TRPC4: variants seen among roughly 807,000 people sequenced by gnomAD.
TRPC4 encodes the protein transient receptor potential cation channel subfamily C member 4, also known as short transient receptor potential channel 4.
Under a neutral mutation model 99.4 loss-of-function variants are expected in TRPC4, and 49 were observed. The ratio of observed to expected loss-of-function variants is 0.49; its 90% CI spans 0.39 to 0.63. The LOEUF is 0.63. Ranked by LOEUF, TRPC4 falls within the 20% of genes least tolerant of loss-of-function variation. TRPC4 has a pLI of 0.00. For missense variants in TRPC4, 898 were observed against 1,152.9 expected (o/e 0.78, Z 3.20); for synonymous variants, 454 against 425.9 (o/e 1.07, Z -0.81).
At chr13:37,677,337 A>G (rs556387087) in intron 4 of TRPC4, among the ~76,000 whole-genome samples, 1 of 152,118 alleles carries the variant, frequency 6.6e-6, no homozygotes, top group Non-Finnish European at 1.5e-5. Flanking sequence ...CAGTTTACCC[A>G]TATCATAATT....
chr13:37,637,340 GCTT>G lies in TRPC4; in HGVS notation c.2494_2496del (p.Lys832del). On this transcript the variant is annotated inframe_deletion, in exon 11 of 11. Coordinates refer to ENST00000379705, the MANE Select transcript of TRPC4 (RefSeq NM_016179.4). ...TCGGTCACAAAATTCACTTTTCTCT[GCTT>G]CTCCCTGGGCGGCTCCTGAACCACC... is the stretch of plus-strand genomic sequence containing the variant. 1 of 1,613,570 alleles carries G rather than the reference GCTT, an allele frequency of 6.2e-7. No individual in the cohort carries two copies. Among genetic ancestry groups the G allele is most frequent in the Admixed American group, 1.7e-5 (1 of 59,876 alleles).
chr13:37,647,898 A>T (rs1374361909), intron 8 of TRPC4, among the ~76,000 whole-genome samples: 1 of 152,188 alleles, frequency 6.6e-6, no homozygotes, highest in Non-Finnish European at 1.5e-5. Flanking sequence ...CCCTCTTTTA[A>T]TAATACAACC....
chr13:37,829,971 C>T (rs1162633999), intron 1 of TRPC4, among the ~76,000 whole-genome samples: 1 of 152,004 alleles, frequency 6.6e-6, no homozygotes, highest in Non-Finnish European at 1.5e-5. Context: ...TCAGTGATTG[C>T]CAGGGGTTGG....
At chr13:37,663,298 G>T in intron 6 of TRPC4, 118 bp downstream of exon 6, 1 of 937,846 alleles carries the variant, frequency 1.1e-6, no homozygotes, top group Non-Finnish European at 1.5e-6. Flanking sequence ...TCTGCATTAA[G>T]CACAATTTTA....
intron 1 of TRPC4, among the ~76,000 whole-genome samples, chr13:37,816,789 T>G (rs183061750): frequency 1.6e-3 from 240 of 152,056 alleles, no homozygotes; most frequent in Non-Finnish European, 2.7e-3. Context: ...ATTATCTCAA[T>G]AGACACAGAA....
intron 1 of TRPC4, among the ~76,000 whole-genome samples, chr13:37,790,772 A>G (rs189898261): frequency 6.6e-6 from 1 of 152,236 alleles, no homozygotes; most frequent in East Asian, 1.9e-4. Context: ...TGACATGGTA[A>G]AATTCAGTCC....
intron 3 of TRPC4, among the ~76,000 whole-genome samples, chr13:37,742,552 C>T (rs1023610454): frequency 6.6e-6 from 1 of 152,042 alleles, no homozygotes; most frequent in Non-Finnish European, 1.5e-5. Context: ...GGACATTTAT[C>T]CAAGAGAGTC....
chr13:37,685,825 G>A (rs1177749415), intron 4 of TRPC4, among the ~76,000 whole-genome samples: 1 of 151,726 alleles, frequency 6.6e-6, no homozygotes, highest in Non-Finnish European at 1.5e-5. Context: ...CATTAATAGG[G>A]GCACACACAA....
At chr13:37,690,699 A>G (rs1380771226) in intron 4 of TRPC4, among the ~76,000 whole-genome samples, 1 of 152,230 alleles carries the variant, frequency 6.6e-6, no homozygotes, top group Non-Finnish European at 1.5e-5. Flanking sequence ...TTGTTTAGTT[A>G]TATAAGTAAA....
At chr13:37,775,032 TC>T (rs1344256577) in intron 2 of TRPC4, among the ~76,000 whole-genome samples, 1 of 117,514 alleles carries the variant, frequency 8.5e-6, no homozygotes, top group Non-Finnish European at 1.9e-5. Flanking sequence ...TTAGATTTAA[TC>T]ATGTTAATAA....
At chr13:37,727,872 T>G (rs776811997) in intron 3 of TRPC4, among the ~76,000 whole-genome samples, 1 of 152,088 alleles carries the variant, frequency 6.6e-6, no homozygotes, top group South Asian at 2.1e-4. Context: ...ATTTTTGGAA[T>G]GGGCTGATTT....
chr13:37,723,660 T>C (rs998367197), intron 3 of TRPC4, among the ~76,000 whole-genome samples: 2 of 152,160 alleles, frequency 1.3e-5, no homozygotes. Flanking sequence ...AGCAATCCTC[T>C]GCCTCAGCCT....
chr13:37,757,299 T>C (rs959196547), intron 2 of TRPC4, among the ~76,000 whole-genome samples: 4 of 152,166 alleles, frequency 2.6e-5, no homozygotes, highest in Admixed American at 6.5e-5. Context: ...CATTCATAAT[T>C]GAAGGAAATT....
At chr13:37,641,009 G>A (rs1951699285) in intron 8 of TRPC4, among the ~76,000 whole-genome samples, 1 of 152,084 alleles carries the variant, frequency 6.6e-6, no homozygotes, top group African/African-American at 2.4e-5. Flanking sequence ...AGAGCAATTA[G>A]AAGTCAGGAT....
At chr13:37,792,214 C>T (rs1290111353) in intron 1 of TRPC4, among the ~76,000 whole-genome samples, 1 of 152,068 alleles carries the variant, frequency 6.6e-6, no homozygotes, top group East Asian at 1.9e-4. Context: ...ATTAAGATGC[C>T]ATAATGACAG....
intron 1 of TRPC4, among the ~76,000 whole-genome samples, chr13:37,802,810 T>C (rs969174737): frequency 1.3e-5 from 2 of 152,114 alleles, no homozygotes; most frequent in Non-Finnish European, 2.9e-5. Context: ...AATAGTCCTT[T>C]TTCTCCTTAC....
intron 2 of TRPC4, among the ~76,000 whole-genome samples, chr13:37,756,781 C>T (rs1593670880): frequency 1.3e-5 from 2 of 151,834 alleles, no homozygotes; most frequent in East Asian, 2.0e-4. Flanking sequence ...GAGACCTACC[C>T]GCCTCAGCCT....
chr13:37,725,473 T>A (rs546544047), intron 3 of TRPC4, among the ~76,000 whole-genome samples: 1 of 151,886 alleles, frequency 6.6e-6, no homozygotes, highest in Admixed American at 6.6e-5. Context: ...AAAGAGAGAA[T>A]CTTGAAAGCA....
chr13:37,775,033 CA>C (rs5802898), intron 2 of TRPC4, among the ~76,000 whole-genome samples: 68,423 of 151,264 alleles, frequency 0.45, 15,753 homozygotes, highest in Middle Eastern at 0.5. Context: ...TAGATTTAAT[CA>C]TGTTAATAAT....
Sources: gnomAD v4.1 joint callset for allele counts (sites outside exome capture counted in the v4.1 genomes callset) on GRCh38, gnomAD v4.1.1 for gene constraint, MANE v1.5 for transcripts, NCBI Gene and HGNC (gene_info 2026-07-23, HGNC 2026-07-21) for gene names.